CLCN2: variants seen among roughly 807,000 people sequenced by gnomAD.
CLCN2 encodes chloride voltage-gated channel 2.
Under a neutral mutation model 108.3 loss-of-function variants are expected in CLCN2, and 72 were observed. The ratio of observed to expected loss-of-function variants is 0.66; its 90% CI spans 0.55 to 0.81. CLCN2 has a LOEUF of 0.81. Ranked by LOEUF, CLCN2 falls within the 30% of genes least tolerant of loss-of-function variation. The pLI is 0.00. For missense variants in CLCN2, 1,048 were observed against 1,205.2 expected (o/e 0.87, Z 1.93); for synonymous variants, 471 against 467.1 (o/e 1.01, Z -0.11).
intron 4 of CLCN2, 40 bp downstream of exon 4, chr3:184,358,142 A>C (rs942831450): frequency 6.2e-7 from 1 of 1,613,862 alleles, no homozygotes; most frequent in Non-Finnish European, 8.5e-7. Flanking sequence ...CACCCATTTC[A>C]GGGGTCCCGC....
chr3:184,352,597 A>T (rs1728196873), intron 19 of CLCN2, 101 bp from the exon 20 acceptor site: 1 of 1,455,074 alleles, frequency 6.9e-7, no homozygotes, highest in Middle Eastern at 1.7e-4. Flanking sequence ...AGGGCACGCC[A>T]CAGGACCTGA....
chr3:184,352,892 G>A, intron 18 of CLCN2, 82 bp from the exon 19 acceptor site: 1 of 1,554,450 alleles, frequency 6.4e-7, no homozygotes, highest in Non-Finnish European at 8.9e-7. Context: ...GACACAGGGA[G>A]AGGTATCCCA....
intron 22 of CLCN2, among the ~76,000 whole-genome samples, chr3:184,350,492 G>A (rs1467716392): frequency 6.6e-6 from 1 of 152,030 alleles, no homozygotes. Context: ...CTGGAGTGCA[G>A]TGTCATGATC....
chr3:184,358,293 G>A lies in CLCN2; in HGVS notation c.370C>T (p.Arg124Trp), dbSNP rs139188499. 1.4e-4 allele frequency: 220 copies of A among 1,614,050 alleles called. No individual in the cohort carries two copies. In the African/African-American group the frequency reaches 2.6e-3, roughly 19 times the overall value. The change falls in exon 4 of 24, where the codon CGG becomes TGG. Residue 124 changes from arginine to tryptophan, a missense_variant. By Grantham distance (101) the Arg-to-Trp change is moderately radical. Coordinates refer to ENST00000265593, the MANE Select transcript of CLCN2 (RefSeq NM_004366.6). ...ACLQAQQWMS[R>W]GLNTSILLQY... is the part of the protein sequence containing the mutation. ...AGCAAGATGCTGGTGTTCAAGCCCC[G>A]GGACATCCACTGCTGGGCTGTGGGA...
chr3:184,356,639 C>CAAAAA, intron 10 of CLCN2: 1 of 114,722 alleles, frequency 8.7e-6, no homozygotes, highest in Admixed American at 1.1e-4. Context: ...AACTCCGTCT[C>CAAAAA]AAAAAAAAAA....
In CLCN2 at chr3:184,358,729, G is replaced by C; in HGVS notation, c.305C>G (p.Ala102Gly). ...IFLVLLGLLM[A>G]LVSWVMDYAI... ...ATAGTCCATGACCCAGCTGACCAAT[G>C]CCATGAGAAGCCCCAGCAGGACCAG... The change falls in exon 3 of 24, where the codon GCA (alanine) becomes GGA (glycine). Residue 102 changes from alanine to glycine, a missense_variant. Transcript: ENST00000265593. 6.3e-7 allele frequency: 1 copy of C among 1,596,628 alleles called. No individual in the cohort carries two copies. Among genetic ancestry groups the C allele is most frequent in the East Asian group, 2.3e-5 (1 of 44,226 alleles).
At position 184,354,113 on chromosome 3, in the gene CLCN2, C is replaced by T. The variant is rs201330912; in HGVS notation, c.1709G>A (p.Trp570Ter). 1.9e-5 allele frequency: 31 copies of T among 1,612,056 alleles called. No individual in the cohort carries two copies. The highest frequency in any genetic ancestry group is 8.4e-5 in the Admixed American group (5 of 59,830). ...CAGCCCTCCGTACTGGTGGCGGCCC[C>T]AGCCGAGCTCAGGCAGGTAGGGCAG... ...KKLPYLPELG[W>*]GRHQQYRVRV... Residue 570 changes from tryptophan to a stop codon, truncating the protein, a stop_gained, in exon 15 of 24, where the codon TGG becomes TAG. Coordinates refer to ENST00000265593, the MANE Select transcript of CLCN2 (RefSeq NM_004366.6). LOFTEE classifies it high-confidence loss of function.
At chr3:184,358,617 G>C in intron 3 of CLCN2, 65 bp downstream of exon 3, 1 of 1,542,078 alleles carries the variant, frequency 6.5e-7, no homozygotes, top group Non-Finnish European at 8.8e-7. Context: ...TCCATGTCTA[G>C]ACGAGTGTGG....
intron 22 of CLCN2, among the ~76,000 whole-genome samples, chr3:184,350,190 A>G (rs1727989810): frequency 6.6e-6 from 1 of 152,172 alleles, no homozygotes. Flanking sequence ...GACATCATGG[A>G]ACCCATTGGA....
chr3:184,356,692 A>G (rs1433839115), intron 10 of CLCN2: 6 of 414,072 alleles, frequency 1.4e-5, no homozygotes, highest in Non-Finnish European at 2.7e-5. Flanking sequence ...CATGGGGGGA[A>G]CCTGAGGCTC....
chr3:184,354,724 G>C (rs1416758556), intron 13 of CLCN2, 66 bp from the exon 14 acceptor site: 4 of 1,393,662 alleles, frequency 2.9e-6, no homozygotes, highest in Non-Finnish European at 4.1e-6. Flanking sequence ...ACTAGGAAGA[G>C]AGAGGGTCAG....
Position 184,355,073 on chromosome 3 carries a change from G to GT in CLCN2, c.1327-101dup. Reference sequence around the variant, plus strand: ...AGTCTACCTCGCTGATCAGGTGGGCGTAACCCTCCCAGCCACCCCGTAACC... The same window carrying GT: ...AGTCTACCTCGCTGATCAGGTGGGCGTTAACCCTCCCAGCCACCCCGTAACC... On this transcript the variant is annotated intron_variant, in intron 12 of 23. Coordinates refer to ENST00000265593, the MANE Select transcript of CLCN2 (RefSeq NM_004366.6). The surrounding 1 kb of genome is among the most constrained non-coding windows in gnomAD (Gnocchi z 6.3). The GT allele has an allele frequency of 8.5e-7, 1 of 1,182,176 alleles. No homozygotes were observed. The highest frequency in any genetic ancestry group is 1.5e-5 in the African/African-American group (1 of 66,320). 73.2% of individuals were successfully genotyped at this position (1,182,176 alleles called of 1,614,324 possible).
intron 22 of CLCN2, among the ~76,000 whole-genome samples, chr3:184,351,541 G>A (rs1728095443): frequency 6.6e-6 from 1 of 152,196 alleles, no homozygotes; most frequent in Non-Finnish European, 1.5e-5. Flanking sequence ...CCCCCACTGG[G>A]TGTTTCTCAT....
rs963557981 is a variant in CLCN2, at chr3:184,356,067, G to C, written c.1086-289C>G. 9.0e-5 allele frequency: 40 copies of C among 443,426 alleles called. 1 individual carries two copies. The highest frequency in any genetic ancestry group is 2.0e-5 in the African/African-American group (1 of 49,982). The allele number at this position is 443,426 out of a possible 1,614,324, so 27.5% of individuals were successfully genotyped here. A position where few individuals can be genotyped will look rare whatever the true frequency, so the allele number is the denominator to read the frequency against. ...CAAGCCCTCCCTTGGGGCCCTCCGA[G>C]TTGTTATTCCACCCTCCACCCTCAG... On this transcript the variant is annotated intron_variant, in intron 10 of 23. Coordinates refer to ENST00000265593, the MANE Select transcript of CLCN2 (RefSeq NM_004366.6).
Position 184,357,883 on chromosome 3 carries a change from G to A in CLCN2, c.616-27C>T, listed in dbSNP as rs761296991. 10 of 1,613,456 alleles carry A rather than the reference G, an allele frequency of 6.2e-6. No individual in the cohort carries two copies. The East Asian group carries it at 6.7e-5, about 11-fold the overall frequency. ...TGCGGGGTGGGGCAGGCGGTGAGTC[G>A]GGAGGGGGCCCGCCCTGACCTTGGC... On this transcript the variant is annotated intron_variant, in intron 5 of 23. Transcript: ENST00000265593.
At position 184,357,714 on chromosome 3, in the gene CLCN2, G is replaced by A; in HGVS notation, c.694-16C>T. On this transcript the variant is annotated splice_polypyrimidine_tract_variant and intron_variant, in intron 6 of 23. Transcript: ENST00000265593. ...GGGATTCATTCTGGCGAGAGTGGTG[G>A]CAAGAGGGGGTCAGCTGTGGGCTCA... 1 of 1,614,042 alleles carries A rather than the reference G, an allele frequency of 6.2e-7. No homozygotes were observed. Among genetic ancestry groups the A allele is most frequent in the African/African-American group, 1.3e-5 (1 of 75,072 alleles).
At chr3:184,347,276 G>A (rs6770808) in intron 22 of CLCN2, 416,349 of 542,274 alleles carry the variant, frequency 0.77, 161,988 homozygotes, top group African/African-American at 0.95. Flanking sequence ...GGATGGGGGA[G>A]TAATTCTTAG....
At position 184,355,711 on chromosome 3, in the gene CLCN2, G is replaced by A. The variant is rs1271357732; in HGVS notation, c.1153C>T (p.Gln385Ter). 7 of 1,614,192 alleles carry A rather than the reference G, an allele frequency of 4.3e-6. No homozygotes were observed. The highest frequency in any genetic ancestry group is 5.9e-6 in the Non-Finnish European group (7 of 1,180,034). The stretch of plus-strand genomic sequence containing the variant: ...GTGGTTACCTGTCCAGCCATGAACT[G>A]TCCAAAGCCAGGGGGGAAGGTCAGC... The part of the protein sequence containing the change: ...STLTFPPGFG[Q>*]FMAGQLSQKE... Residue 385 changes from glutamine (Q) to a stop codon, truncating the protein, a stop_gained, in exon 11 of 24, where the codon CAG (glutamine) becomes TAG (stop). Coordinates refer to ENST00000265593, the MANE Select transcript of CLCN2 (RefSeq NM_004366.6). LOFTEE classifies it high-confidence loss of function. The surrounding 1 kb of genome is among the most constrained non-coding windows in gnomAD (Gnocchi z 6.3).
chr3:184,359,271 C>G (rs1048660887), intron 1 of CLCN2, 140 bp from the exon 2 acceptor site: 10 of 1,076,766 alleles, frequency 9.3e-6, no homozygotes, highest in Non-Finnish European at 1.2e-5. Context: ...CACTCTGGCC[C>G]GAGGTGTGGG....
Sources: allele counts gnomAD v4.1 joint callset (sites outside exome capture counted in the v4.1 genomes callset), GRCh38; gene constraint gnomAD v4.1.1; non-coding constraint Gnocchi (gnomAD v3.1); transcripts MANE v1.5; gene names NCBI Gene and HGNC (gene_info 2026-07-23, HGNC 2026-07-21).